Variants in ART3 observed in about 807,000 individuals in gnomAD.
ART3 encodes the protein ecto-ADP-ribosyltransferase 3.
Under a neutral mutation model 48.5 loss-of-function variants are expected in ART3, and 49 were observed. The ratio of observed to expected loss-of-function variants is 1.01; its 90% CI spans 0.80 to 1.28. The LOEUF is 1.28. ART3 is among the 50% of genes most tolerant of loss of function. The pLI is 0.00. For missense variants in ART3, 438 were observed against 454.3 expected, an observed-to-expected ratio of 0.96 and a Z score of 0.33; for synonymous variants, 145 against 157.2, an observed-to-expected ratio of 0.92 and a Z score of 0.58.
intron 3 of ART3, among the ~76,000 whole-genome samples, chr4:76,089,930 A>C (rs930384580): frequency 3.3e-5 from 5 of 152,068 alleles, no homozygotes; most frequent in Admixed American, 6.6e-5. Flanking sequence ...AAATACAAAA[A>C]TTAGCCAGGC....
intron 1 of ART3, among the ~76,000 whole-genome samples, chr4:76,048,745 A>G (rs963613596): frequency 1.8e-4 from 28 of 151,986 alleles, no homozygotes; most frequent in Admixed American, 1.3e-3. Flanking sequence ...TTACCAATGC[A>G]TTCTCGAAAA....
At chr4:76,081,580 C>CAGT (rs1270259501) in intron 2 of ART3, among the ~76,000 whole-genome samples, 6 of 152,186 alleles carry the variant, frequency 3.9e-5, no homozygotes, top group Non-Finnish European at 8.8e-5. Flanking sequence ...AAATGAGCTA[C>CAGT]AGGCACAATC....
chr4:76,077,389 C>T lies in ART3; in HGVS notation c.69+1431C>T, dbSNP rs1035229625. 5.3e-5 allele frequency among the ~76,000 whole-genome samples: 8 copies of T among 152,188 alleles called. No individual in the cohort carries two copies. The East Asian group carries it at 5.8e-4, about 11-fold the overall frequency. On this transcript the variant is annotated intron_variant, in intron 2 of 11. Coordinates refer to ENST00000355810, the MANE Select transcript of ART3 (RefSeq NM_001130016.3). ...GTAATATTCTATTTTATGGCCGTACCGCATCTTGTTTATCCATTTATCAGC... is the reference window on the plus strand; with the variant it reads ...GTAATATTCTATTTTATGGCCGTACTGCATCTTGTTTATCCATTTATCAGC...
At chr4:76,068,788 T>C (rs1184611531) in intron 1 of ART3, among the ~76,000 whole-genome samples, 2 of 152,178 alleles carry the variant, frequency 1.3e-5, no homozygotes, top group African/African-American at 4.8e-5. Flanking sequence ...GAGCCTAAAA[T>C]AAAAGTTTAA....
Position 76,050,380 on chromosome 4 carries a change from C to T in ART3, c.-9-25501C>T, listed in dbSNP as rs1025208885. On this transcript the variant is annotated intron_variant, in intron 1 of 9. Coordinates refer to the ART3 transcript ENST00000341029. ...ACCAGATTAGCTAGATACAGAGTGT[C>T]GACACAAAGGTTCTCCAGGGCCCCA... Among the ~76,000 whole-genome samples the T allele has an allele frequency of 2.0e-5, 3 of 152,022 alleles. No individual in the cohort carries two copies. The South Asian group carries it at 6.2e-4, about 32-fold the overall frequency.
At chr4:76,082,877 C>G (rs899474086) in intron 3 of ART3, among the ~76,000 whole-genome samples, 1 of 152,000 alleles carries the variant, frequency 6.6e-6, no homozygotes, top group African/African-American at 2.4e-5. Context: ...AGGCCAGAAA[C>G]ACTGATAGAC....
chr4:76,076,947 T>C (rs1360764310), intron 2 of ART3, among the ~76,000 whole-genome samples: 1 of 152,252 alleles, frequency 6.6e-6, no homozygotes, highest in Non-Finnish European at 1.5e-5. Flanking sequence ...TTATCCTTTT[T>C]TGAATTTAAT....
chr4:76,042,581 C>T (rs924380320), intron 1 of ART3, among the ~76,000 whole-genome samples: 2 of 152,066 alleles, frequency 1.3e-5, no homozygotes, highest in African/African-American at 4.8e-5. Context: ...AAGAATGAAG[C>T]CACGGACCCT....
chr4:76,094,257 T>C (rs1725537569), intron 3 of ART3, among the ~76,000 whole-genome samples: 1 of 152,198 alleles, frequency 6.6e-6, no homozygotes, highest in Non-Finnish European at 1.5e-5. Flanking sequence ...GACAACACCT[T>C]TAACTATTTT....
chr4:76,041,628 A>G (rs1255981510), intron 1 of ART3, among the ~76,000 whole-genome samples: 5 of 148,402 alleles, frequency 3.4e-5, no homozygotes, highest in Admixed American at 2.7e-4. Flanking sequence ...TATTATTTCA[A>G]TGTGTAATCA....
At chr4:76,054,963 GAC>G (rs1212050339) in intron 1 of ART3, among the ~76,000 whole-genome samples, 1 of 152,102 alleles carries the variant, frequency 6.6e-6, no homozygotes, top group Non-Finnish European at 1.5e-5. Context: ...TTTTTTTAGA[GAC>G]AGTCTTGTTA....
chr4:76,100,200 AT>A, intron 5 of ART3, 90 bp from the exon 6 acceptor site: 1 of 1,326,852 alleles, frequency 7.5e-7, no homozygotes, highest in South Asian at 1.2e-5. Context: ...TTATAGTCAT[AT>A]TTCCTGAAAA....
intron 3 of ART3, among the ~76,000 whole-genome samples, chr4:76,094,230 G>A (rs1165253485): frequency 6.6e-6 from 1 of 152,228 alleles, no homozygotes; most frequent in East Asian, 1.9e-4. Flanking sequence ...GGTATTTTGT[G>A]TGGCAGCTGG....
At chr4:76,071,440 C>T (rs1030835205), upstream of ART3, among the ~76,000 whole-genome samples, 1 of 152,142 alleles carries the variant, frequency 6.6e-6, no homozygotes, top group Admixed American at 6.5e-5. Context: ...TATACTGCCT[C>T]ATTCCTTTTA....
At chr4:76,108,517 A>G (rs976871917) in intron 11 of ART3, among the ~76,000 whole-genome samples, 2 of 152,008 alleles carry the variant, frequency 1.3e-5, no homozygotes, top group African/African-American at 4.8e-5. Flanking sequence ...GCACTGCAGG[A>G]TATCTATCCC....
At chr4:76,099,677 A>G (rs182465304) in intron 5 of ART3, 8 of 153,822 alleles carry the variant, frequency 5.2e-5, no homozygotes, top group African/African-American at 1.9e-4. Flanking sequence ...AAATATGCAG[A>G]TGCTTGATGT....
chr4:76,023,727 G>A (rs1487835610), intron 1 of ART3, among the ~76,000 whole-genome samples: 1 of 151,956 alleles, frequency 6.6e-6, no homozygotes, highest in East Asian at 1.9e-4. Flanking sequence ...TCCAAAACAT[G>A]AACTGTTTCT....
chr4:76,085,917 C>G (rs1723444443), intron 3 of ART3, among the ~76,000 whole-genome samples: 1 of 152,040 alleles, frequency 6.6e-6, no homozygotes, highest in African/African-American at 2.4e-5. Flanking sequence ...ACTAAAAATA[C>G]AAAAATTAGC....
intron 1 of ART3, among the ~76,000 whole-genome samples, chr4:76,019,017 GGGTGACAGAGT>G (rs1456402061): frequency 6.7e-6 from 1 of 150,146 alleles, no homozygotes; most frequent in African/African-American, 2.5e-5. Flanking sequence ...ACTCCAGCCT[GGGTGACAGAGT>G]GAGACCCCAT....
Sources: allele counts gnomAD v4.1 joint callset (sites outside exome capture counted in the v4.1 genomes callset), GRCh38; gene constraint gnomAD v4.1.1; transcripts MANE v1.5; gene names NCBI Gene and HGNC (gene_info 2026-07-23, HGNC 2026-07-21).